CASD1: variants seen among roughly 807,000 people sequenced by gnomAD.
CASD1 encodes CAS1 domain sialic acid O acetyltransferase 1.
A neutral mutation model predicts 100.0 loss-of-function variants in CASD1; 41 were observed. That is an observed-to-expected ratio of 0.41 (90% CI 0.32 to 0.53). The LOEUF (loss-of-function observed/expected upper bound fraction) is 0.53, where lower values mean the gene tolerates loss of function less well. CASD1 is among the 20% of genes least tolerant of loss of function. The probability of loss-of-function intolerance (pLI) is 0.25; values close to 1 mark genes in which losing one functional copy is unlikely to be tolerated. For missense variants in CASD1, 774 were observed against 948.7 expected, an observed-to-expected ratio of 0.82 and a Z score of 2.42; for synonymous variants, 321 against 315.6, an observed-to-expected ratio of 1.02 and a Z score of -0.18.
the CASD1 span, chr7:94,588,661 A>T: frequency 6.3e-7 from 1 of 1,574,832 alleles, no homozygotes; most frequent in East Asian, 2.2e-5. Context: ...TCATTCATAA[A>T]CATTAATTTA....
the CASD1 span, chr7:94,618,681 T>G: frequency 8.1e-7 from 1 of 1,231,446 alleles, no homozygotes; most frequent in Non-Finnish European, 1.2e-6. Flanking sequence ...TAGGCCATCT[T>G]CCATCTATAA....
downstream of CASD1, among the ~76,000 whole-genome samples, chr7:94,560,740 GC>G: frequency 6.6e-6 from 1 of 152,094 alleles, no homozygotes; most frequent in Non-Finnish European, 1.5e-5. Context: ...TCTTTAAATA[GC>G]CCTGGGACTA....
intron 10 of CASD1, among the ~76,000 whole-genome samples, chr7:94,540,310 A>G (rs1373828945): frequency 6.6e-6 from 1 of 152,186 alleles, no homozygotes; most frequent in African/African-American, 2.4e-5. Flanking sequence ...TACGTGCATC[A>G]ATGATAAGTT....
chr7:94,599,796 G>T, the CASD1 span: 1 of 1,065,408 alleles, frequency 9.4e-7, no homozygotes, highest in East Asian at 2.4e-5. Context: ...TATGCTCATG[G>T]GATCTTGCAT....
chr7:94,633,067 G>T, the CASD1 span, among the ~76,000 whole-genome samples: 2 of 152,106 alleles, frequency 1.3e-5, no homozygotes, highest in South Asian at 4.2e-4. Flanking sequence ...AAATATACAT[G>T]TGTACAGTGC....
the CASD1 span, chr7:94,628,137 T>TACACACACACACAC: frequency 2.0e-6 from 2 of 991,512 alleles, no homozygotes; most frequent in Non-Finnish European, 3.1e-6. Flanking sequence ...CAAATTACAA[T>TACACACACACACAC]ACACACACAC....
chr7:94,549,309 T>A (rs980089485), intron 13 of CASD1, among the ~76,000 whole-genome samples: 1 of 151,956 alleles, frequency 6.6e-6, no homozygotes, highest in Non-Finnish European at 1.5e-5. Flanking sequence ...TTTTAAGTCA[T>A]CTTTTTTGGT....
chr7:94,526,090 T>A (rs1794551092), intron 3 of CASD1, among the ~76,000 whole-genome samples: 1 of 152,100 alleles, frequency 6.6e-6, no homozygotes, highest in South Asian at 2.1e-4. Context: ...CAACCTAGAG[T>A]CATGTTCATC....
the CASD1 span, chr7:94,628,145 C>CAT: frequency 1.5e-6 from 2 of 1,328,774 alleles, no homozygotes; most frequent in Non-Finnish European, 2.1e-6. Flanking sequence ...AATACACACA[C>CAT]ACACACACAC....
At chr7:94,513,301 A>G (rs1186612243) in intron 1 of CASD1, among the ~76,000 whole-genome samples, 1 of 151,970 alleles carries the variant, frequency 6.6e-6, no homozygotes, top group East Asian at 1.9e-4. Context: ...AAAAAAAAAA[A>G]AAAAAATCAA....
chr7:94,541,723 T>C (rs1795412435), intron 10 of CASD1, among the ~76,000 whole-genome samples: 1 of 151,956 alleles, frequency 6.6e-6, no homozygotes, highest in East Asian at 1.9e-4. Context: ...TACTAAACTT[T>C]TGTTGTAGGT....
chr7:94,587,136 C>T, the CASD1 span: 2 of 983,692 alleles, frequency 2.0e-6, no homozygotes, highest in Non-Finnish European at 2.4e-6. Flanking sequence ...ACCTTAAAAT[C>T]CCCTAGGAAA....
intron 10 of CASD1, among the ~76,000 whole-genome samples, chr7:94,540,655 A>G (rs1268754729): frequency 6.6e-6 from 1 of 152,148 alleles, no homozygotes; most frequent in Non-Finnish European, 1.5e-5. Context: ...AGTGTAAATG[A>G]TCCAAGGCAA....
At chr7:94,625,587 T>C in the CASD1 span, 1 of 152,148 alleles carries the variant, frequency 6.6e-6, no homozygotes, top group Non-Finnish European at 1.5e-5. Flanking sequence ...ATTGCATGAA[T>C]GCTTAAAGCA....
chr7:94,512,764 TA>T (rs1045732878), intron 1 of CASD1, among the ~76,000 whole-genome samples: 5 of 152,232 alleles, frequency 3.3e-5, no homozygotes, highest in African/African-American at 1.2e-4. Context: ...GTTTAATTGG[TA>T]ACATTTTTTT....
intron 16 of CASD1, chr7:94,553,173 A>G (rs756608215): frequency 2.2e-6 from 1 of 454,376 alleles, no homozygotes; most frequent in African/African-American, 2.0e-5. Context: ...TATACTATTA[A>G]TTATTTACAA....
At chr7:94,587,824 G>T in the CASD1 span, 1 of 1,540,700 alleles carries the variant, frequency 6.5e-7, no homozygotes, top group Non-Finnish European at 8.8e-7. Flanking sequence ...TTAAATTCAC[G>T]AAAGCAGTAA....
At chr7:94,520,058 A>G (rs920274199) in intron 3 of CASD1, among the ~76,000 whole-genome samples, 1 of 152,232 alleles carries the variant, frequency 6.6e-6, no homozygotes, top group African/African-American at 2.4e-5. Context: ...AAGATTATCA[A>G]ACGAGATATC....
At position 94,556,625 on chromosome 7, in the gene CASD1, C is replaced by T. The variant is rs1328172418; in HGVS notation, c.*867C>T. The stretch of plus-strand genomic sequence containing the variant: ...AGCTCTTTATAGCCATTTGGTATTT[C>T]CTATTACCCACCTCCTATTTTAAAT... On this transcript the variant is annotated 3_prime_UTR_variant, in exon 18 of 18. Transcript: ENST00000297273. The T allele has an allele frequency of 6.6e-6, 1 of 151,962 alleles. No homozygotes were observed. Among genetic ancestry groups the T allele is most frequent in the Non-Finnish European group, 1.5e-5 (1 of 67,910 alleles). 9.4% of individuals were successfully genotyped at this position (151,962 alleles called of 1,614,324 possible).
Sources: allele counts gnomAD v4.1 joint callset (sites outside exome capture counted in the v4.1 genomes callset), GRCh38; gene constraint gnomAD v4.1.1; transcripts MANE v1.5; gene names NCBI Gene and HGNC (gene_info 2026-07-23, HGNC 2026-07-21).